SYNPR: variants seen among roughly 807,000 people sequenced by gnomAD.
SYNPR encodes the protein synaptoporin.
A neutral mutation model predicts 32.9 loss-of-function variants in SYNPR; 23 were observed. That is an observed-to-expected ratio of 0.70 (90% CI 0.50 to 0.99). The LOEUF is 0.99. Among genes scored for constraint, SYNPR ranks in the 50% least tolerant of loss-of-function variants. The probability of loss-of-function intolerance (pLI) is 0.00; values close to 1 mark genes in which losing one functional copy is unlikely to be tolerated. For missense variants in SYNPR, 318 were observed against 349.3 expected, an observed-to-expected ratio of 0.91 and a Z score of 0.71; for synonymous variants, 146 against 135.9, an observed-to-expected ratio of 1.07 and a Z score of -0.52.
upstream of SYNPR, among the ~76,000 whole-genome samples, chr3:63,275,519 C>G (rs2086567581): frequency 6.6e-6 from 1 of 152,198 alleles, no homozygotes; most frequent in Non-Finnish European, 1.5e-5. Context: ...AGAAGGAACA[C>G]TGGGTGTGAA....
At chr3:63,375,470 G>T in intron 2 of SYNPR, among the ~76,000 whole-genome samples, 1 of 152,002 alleles carries the variant, frequency 6.6e-6, no homozygotes. Flanking sequence ...CTATCACAAG[G>T]ACAGGAAACC....
At chr3:63,595,995 A>ATATATATAGTTTTATATATAGTTTTT (rs1407979131) in intron 4 of SYNPR, among the ~76,000 whole-genome samples, 1 of 131,830 alleles carries the variant, frequency 7.6e-6, no homozygotes, top group Non-Finnish European at 1.5e-5. Context: ...ATATAGTTTT[A>ATATATATAGTTTTATATATAGTTTTT]TATATATATA....
rs1174473477 is a variant in SYNPR at position 63,511,150 on chromosome 3, TACTGGGAATCATGGGC to T, written c.209+30195_209+30210del. On this transcript the variant is annotated intron_variant, in intron 3 of 5. Transcript: ENST00000478300. ...GGTATTGGGAATCATGGACCCTGAG[TACTGGGAATCATGGGC>T]CTAGAAAGGCCTGAATGAAAATCCT... Among the ~76,000 whole-genome samples, 3 of 59,260 alleles carry T rather than the reference TACTGGGAATCATGGGC, an allele frequency of 5.1e-5. No individual in the cohort carries two copies. The East Asian group carries it at 1.2e-3, about 24-fold the overall frequency. The allele number at this position is 59,260 out of a possible 152,430, so 38.9% of individuals were successfully genotyped here.
the SYNPR span, among the ~76,000 whole-genome samples, chr3:63,204,020 A>C: frequency 2.6e-5 from 4 of 152,046 alleles, no homozygotes; most frequent in East Asian, 7.7e-4. Context: ...AACAAAAAAA[A>C]GTTTGCTGGC....
At chr3:63,390,319 T>C (rs1458464890) in intron 2 of SYNPR, among the ~76,000 whole-genome samples, 1 of 152,180 alleles carries the variant, frequency 6.6e-6, no homozygotes, top group Non-Finnish European at 1.5e-5. Context: ...GGCTGTTAAG[T>C]ACATCAAAGG....
At chr3:63,443,652 G>A (rs11927651) in intron 2 of SYNPR, among the ~76,000 whole-genome samples, 1,971 of 152,240 alleles carry the variant, frequency 0.013, 45 homozygotes, top group African/African-American at 0.045. Context: ...AAACCAAAGA[G>A]GCTGTGTTGA....
chr3:63,516,826 G>C (rs1701809675), intron 3 of SYNPR, among the ~76,000 whole-genome samples: 1 of 152,018 alleles, frequency 6.6e-6, no homozygotes, highest in Non-Finnish European at 1.5e-5. Context: ...CCAAGTGTTA[G>C]GAAGCAACTT....
intron 3 of SYNPR, chr3:63,545,668 A>G (rs780240289): frequency 6.6e-6 from 1 of 152,160 alleles, no homozygotes; most frequent in Non-Finnish European, 1.5e-5. Flanking sequence ...ATTATTAGGT[A>G]GCAAACAGTA....
At chr3:63,540,496 G>A (rs1156896903) in intron 3 of SYNPR, among the ~76,000 whole-genome samples, 3 of 151,880 alleles carry the variant, frequency 2.0e-5, no homozygotes, top group African/African-American at 4.8e-5. Context: ...AAATATACTC[G>A]AGTAGTACTT....
chr3:63,403,871 G>A (rs1389112533), intron 2 of SYNPR, among the ~76,000 whole-genome samples: 1 of 152,198 alleles, frequency 6.6e-6, no homozygotes, highest in Non-Finnish European at 1.5e-5. Context: ...TGTGCACTGA[G>A]AGGCTCTGGG....
chr3:63,569,597 AC>A (rs1286530775), intron 4 of SYNPR, among the ~76,000 whole-genome samples: 1 of 152,276 alleles, frequency 6.6e-6, no homozygotes, highest in African/African-American at 2.4e-5. Context: ...GTGTTTAAGT[AC>A]GCAGAAGTCA....
chr3:63,476,152 AGGGAGGGAGGGAGGG>A (rs1700905473), intron 2 of SYNPR, among the ~76,000 whole-genome samples: 4 of 22,936 alleles, frequency 1.7e-4, no homozygotes, highest in Non-Finnish European at 2.4e-4. Flanking sequence ...GAAGGAAGGG[AGGGAGGGAGGGAGGG>A]AGGGAGGGAA....
intron 2 of SYNPR, among the ~76,000 whole-genome samples, chr3:63,425,255 G>C (rs1212679398): frequency 2.0e-5 from 3 of 152,156 alleles, no homozygotes; most frequent in African/African-American, 4.8e-5. Context: ...AGAAAACACT[G>C]TAAGGATAAA....
intron 2 of SYNPR, among the ~76,000 whole-genome samples, chr3:63,254,294 T>C (rs1283726665): frequency 6.6e-6 from 1 of 152,160 alleles, no homozygotes; most frequent in Non-Finnish European, 1.5e-5. Flanking sequence ...GTTGTGCACA[T>C]GTACCCTAAA....
intron 3 of SYNPR, among the ~76,000 whole-genome samples, chr3:63,489,858 T>A (rs1701227160): frequency 6.6e-6 from 1 of 152,142 alleles, no homozygotes. Context: ...TCGCTTAGAA[T>A]GTTCTAAGCA....
intron 2 of SYNPR, chr3:63,252,618 A>T (rs1438480274): frequency 2.0e-5 from 3 of 152,210 alleles, no homozygotes; most frequent in African/African-American, 4.8e-5. Context: ...ATGTGCTGAT[A>T]ACAGAACAAG....
At chr3:63,438,578 T>C (rs1299803063) in intron 2 of SYNPR, among the ~76,000 whole-genome samples, 1 of 152,200 alleles carries the variant, frequency 6.6e-6, no homozygotes, top group Non-Finnish European at 1.5e-5. Context: ...ATCTCGTTAG[T>C]ATTTGAAAAA....
chr3:63,527,208 A>C (rs547581342), intron 3 of SYNPR, among the ~76,000 whole-genome samples: 1 of 152,246 alleles, frequency 6.6e-6, no homozygotes, highest in Non-Finnish European at 1.5e-5. Context: ...TTCTGAATGG[A>C]ATGTATAGGC....
At chr3:63,452,916 C>T (rs1040554623) in intron 2 of SYNPR, among the ~76,000 whole-genome samples, 1 of 152,088 alleles carries the variant, frequency 6.6e-6, no homozygotes, top group Non-Finnish European at 1.5e-5. Context: ...CCACAATAAT[C>T]GTTCTTGAAA....
Sources: allele counts gnomAD v4.1 joint callset (sites outside exome capture counted in the v4.1 genomes callset), GRCh38; gene constraint gnomAD v4.1.1; transcripts MANE v1.5; gene names NCBI Gene and HGNC (gene_info 2026-07-23, HGNC 2026-07-21).